The following FHIT variants were observed in gnomAD, a reference collection of about 807,000 sequenced individuals.
FHIT encodes the protein fragile histidine triad diadenosine triphosphatase, also known as bis(5'-adenosyl)-triphosphatase.
A neutral mutation model predicts 17.9 loss-of-function variants in FHIT; 19 were observed. The observed-to-expected ratio is 1.06, with a 90% CI of 0.74 to 1.56. The LOEUF (loss-of-function observed/expected upper bound fraction) is 1.56, where lower values mean the gene tolerates loss of function less well. Among genes scored for constraint, FHIT ranks in the 40% most tolerant of loss-of-function variants. The probability of loss-of-function intolerance (pLI) is 0.00; values close to 1 mark genes in which losing one functional copy is unlikely to be tolerated. For missense variants in FHIT, 248 were observed against 189.2 expected, an observed-to-expected ratio of 1.31 and a Z score of -1.82; for synonymous variants, 81 against 69.7, an observed-to-expected ratio of 1.16 and a Z score of -0.81.
At chr3:60,238,071 T>C (rs926358065) in intron 5 of FHIT, among the ~76,000 whole-genome samples, 2 of 143,704 alleles carry the variant, frequency 1.4e-5, no homozygotes, top group African/African-American at 5.2e-5. Flanking sequence ...GCTTGAGCCT[T>C]GGAGGCGGAG....
intron 3 of FHIT, among the ~76,000 whole-genome samples, chr3:60,999,574 A>G (rs2030919534): frequency 6.6e-6 from 1 of 151,738 alleles, no homozygotes; most frequent in Non-Finnish European, 1.5e-5. Flanking sequence ...CATGTAGAAA[A>G]AGATAGAATA....
intron 4 of FHIT, among the ~76,000 whole-genome samples, chr3:60,725,190 G>T (rs558936551): frequency 6.6e-6 from 1 of 152,164 alleles, no homozygotes; most frequent in East Asian, 1.9e-4. Context: ...CTATCTCCAA[G>T]TTTCTTATCA....
intron 4 of FHIT, among the ~76,000 whole-genome samples, chr3:60,614,861 T>A (rs535390996): frequency 3.9e-5 from 5 of 126,692 alleles, no homozygotes; most frequent in South Asian, 5.7e-4. Context: ...GATGGAGCCC[T>A]GCTCTGTCGC....
In FHIT at chr3:60,123,965, AAAATATATATATATATATAT is replaced by A. The variant is rs1481667663; in HGVS notation, c.104-109833_104-109814del. ...CACTTCCATTAACAGAAATGCACTA[AAAATATATATATATATATAT>A]ATATATATATATATATATATATATA... On this transcript the variant is annotated intron_variant, in intron 5 of 9. Coordinates refer to ENST00000492590, the MANE Select transcript of FHIT (RefSeq NM_002012.4). Among the ~76,000 whole-genome samples, 54 of 54,548 alleles carry A rather than the reference AAAATATATATATATATATAT, an allele frequency of 9.9e-4. 3 individuals are homozygous for A. Among genetic ancestry groups the A allele is most frequent in the South Asian group, 4.8e-3 (7 of 1,468 alleles). 35.8% of individuals were successfully genotyped at this position (54,548 alleles called of 152,430 possible).
At chr3:60,981,530 C>T (rs559642450) in intron 3 of FHIT, among the ~76,000 whole-genome samples, 132 of 152,094 alleles carry the variant, frequency 8.7e-4, no homozygotes, top group African/African-American at 2.9e-3. Context: ...AGGCTGGTCT[C>T]GAACTCCTGA....
Position 60,486,750 on chromosome 3 carries a change from T to C in FHIT, c.103+50110A>G, listed in dbSNP as rs578215510. Among the ~76,000 whole-genome samples the C allele has an allele frequency of 5.9e-5, 9 of 152,318 alleles. No individual in the cohort carries two copies. The South Asian group carries it at 6.2e-4, about 11-fold the overall frequency. On this transcript the variant is annotated intron_variant, in intron 5 of 9. Transcript: ENST00000492590. The stretch of plus-strand genomic sequence containing the variant: ...TATCAAAAAGACATGTTATAATGCA[T>C]ATTTTATCTTTCAACGGATATCCTC...
intron 2 of FHIT, among the ~76,000 whole-genome samples, 188 bp from the exon 3 acceptor site, chr3:61,042,287 T>G (rs971685945): frequency 1.3e-5 from 2 of 152,104 alleles, no homozygotes; most frequent in African/African-American, 4.8e-5. Flanking sequence ...ATTAATGAAG[T>G]AAATTAAATG....
chr3:59,837,573 C>T (rs1701383898), intron 8 of FHIT, among the ~76,000 whole-genome samples: 2 of 152,050 alleles, frequency 1.3e-5, no homozygotes. Context: ...AAAAATGTCC[C>T]ATGGAATCCT....
At chr3:60,086,569 T>G (rs1348682060) in intron 5 of FHIT, among the ~76,000 whole-genome samples, 1 of 152,230 alleles carries the variant, frequency 6.6e-6, no homozygotes, top group Non-Finnish European at 1.5e-5. Context: ...TACAATGGTT[T>G]CATGGGCACT....
At chr3:59,920,966 T>C (rs1289433646) in intron 8 of FHIT, among the ~76,000 whole-genome samples, 2 of 152,222 alleles carry the variant, frequency 1.3e-5, no homozygotes, top group African/African-American at 4.8e-5. Flanking sequence ...GACTGATTCC[T>C]GAGTGCTGTG....
intron 5 of FHIT, among the ~76,000 whole-genome samples, chr3:60,190,878 G>C (rs1410738432): frequency 2.0e-5 from 3 of 152,028 alleles, no homozygotes; most frequent in Non-Finnish European, 4.4e-5. Context: ...GGGAGGTGGA[G>C]GTTGCAGTGA....
At chr3:60,585,077 TAA>T (rs1180405895) in intron 4 of FHIT, among the ~76,000 whole-genome samples, 4 of 151,946 alleles carry the variant, frequency 2.6e-5, no homozygotes, top group Admixed American at 2.6e-4. Context: ...GATTAGAAAA[TAA>T]AAGAGAACAT....
chr3:60,539,269 C>G (rs1048961460), intron 4 of FHIT, among the ~76,000 whole-genome samples: 2 of 152,102 alleles, frequency 1.3e-5, no homozygotes, highest in Non-Finnish European at 2.9e-5. Context: ...GCTAGAATGG[C>G]GATCAGTAAA....
chr3:60,515,076 C>T (rs542979531), intron 5 of FHIT, among the ~76,000 whole-genome samples: 9 of 152,114 alleles, frequency 5.9e-5, no homozygotes, highest in Middle Eastern at 3.4e-3. Flanking sequence ...CAGTGGGCAC[C>T]GCAAATGAAC....
chr3:60,998,190 C>A (rs932759819), intron 3 of FHIT, among the ~76,000 whole-genome samples: 3 of 152,166 alleles, frequency 2.0e-5, no homozygotes, highest in Non-Finnish European at 4.4e-5. Flanking sequence ...CATGATGAAA[C>A]AATAACCAGT....
intron 5 of FHIT, among the ~76,000 whole-genome samples, chr3:60,398,817 GA>G (rs928388317): frequency 6.6e-6 from 1 of 151,834 alleles, no homozygotes; most frequent in Middle Eastern, 3.4e-3. Context: ...CACATAGGTG[GA>G]AAAAAAATCT....
At chr3:60,837,503 G>A (rs1702578513) in intron 3 of FHIT, among the ~76,000 whole-genome samples, 1 of 152,070 alleles carries the variant, frequency 6.6e-6, no homozygotes, top group Admixed American at 6.6e-5. Flanking sequence ...TATTGAAAGT[G>A]AGCTTCTCAT....
At chr3:60,019,645 C>T (rs565281888) in intron 5 of FHIT, among the ~76,000 whole-genome samples, 4 of 152,116 alleles carry the variant, frequency 2.6e-5, no homozygotes, top group African/African-American at 7.2e-5. Context: ...CGTAAACTCC[C>T]GACCTTAGGT....
intron 5 of FHIT, among the ~76,000 whole-genome samples, chr3:60,361,499 G>A (rs1026718242): frequency 2.0e-5 from 3 of 152,136 alleles, no homozygotes; most frequent in Non-Finnish European, 4.4e-5. Flanking sequence ...GACTAGCTAG[G>A]ATGCAAGACT....
Sources: gnomAD v4.1 joint callset for allele counts (sites outside exome capture counted in the v4.1 genomes callset) on GRCh38, gnomAD v4.1.1 for gene constraint, MANE v1.5 for transcripts, NCBI Gene and HGNC (gene_info 2026-07-23, HGNC 2026-07-21) for gene names.